HIBADH: variants seen among roughly 807,000 people sequenced by gnomAD.
HIBADH encodes 3-hydroxyisobutyrate dehydrogenase, mitochondrial.
In HIBADH, 25 loss-of-function variants were observed where a neutral mutation model predicts 36.1. The ratio of observed to expected loss-of-function variants is 0.69; its 90% CI spans 0.50 to 0.97. The LOEUF is 0.97. Among genes scored for constraint, HIBADH ranks in the 50% least tolerant of loss-of-function variants. HIBADH has a pLI of 0.00. For missense variants in HIBADH, 421 were observed against 418.0 expected, an observed-to-expected ratio of 1.01 and a Z score of -0.06; for synonymous variants, 160 against 149.5, an observed-to-expected ratio of 1.07 and a Z score of -0.51.
At chr7:27,564,524 A>C (rs1159243064) in intron 4 of HIBADH, among the ~76,000 whole-genome samples, 1 of 152,166 alleles carries the variant, frequency 6.6e-6, no homozygotes, top group Non-Finnish European at 1.5e-5. Flanking sequence ...ACTGATCTCT[A>C]TGTCTTTCAC....
intron 4 of HIBADH, among the ~76,000 whole-genome samples, chr7:27,604,746 C>T (rs1785190228): frequency 6.6e-6 from 1 of 152,014 alleles, no homozygotes; most frequent in Non-Finnish European, 1.5e-5. Context: ...TTTGGTAATA[C>T]TGAAGGGTGC....
At chr7:27,610,423 A>ATC (rs1255209520) in intron 4 of HIBADH, among the ~76,000 whole-genome samples, 2 of 152,176 alleles carry the variant, frequency 1.3e-5, no homozygotes, top group African/African-American at 4.8e-5. Context: ...CTATCCTGGT[A>ATC]TCTACCTTCT....
intron 4 of HIBADH, among the ~76,000 whole-genome samples, chr7:27,600,857 A>G (rs1023061411): frequency 3.9e-5 from 6 of 152,098 alleles, no homozygotes; most frequent in Admixed American, 3.3e-4. Flanking sequence ...TTCTTTCCAA[A>G]CTGCTGACAA....
At chr7:27,580,455 T>C (rs1302498162) in intron 4 of HIBADH, among the ~76,000 whole-genome samples, 1 of 152,178 alleles carries the variant, frequency 6.6e-6, no homozygotes, top group Non-Finnish European at 1.5e-5. Flanking sequence ...ATAAAAATGC[T>C]AGGAAAAGTT....
At chr7:27,566,131 A>G (rs1387134418) in intron 4 of HIBADH, among the ~76,000 whole-genome samples, 2 of 152,104 alleles carry the variant, frequency 1.3e-5, no homozygotes, top group African/African-American at 2.4e-5. Context: ...CTAGTCTTAT[A>G]GTTTATCTGG....
chr7:27,527,418 C>G (rs1783920381), intron 7 of HIBADH, among the ~76,000 whole-genome samples: 1 of 152,130 alleles, frequency 6.6e-6, no homozygotes, highest in South Asian at 2.1e-4. Flanking sequence ...AGCCAAGGTA[C>G]AGCTAGCTGG....
intron 2 of HIBADH, among the ~76,000 whole-genome samples, chr7:27,634,558 T>C (rs1211604455): frequency 6.6e-6 from 1 of 152,200 alleles, no homozygotes; most frequent in Non-Finnish European, 1.5e-5. Context: ...CTTAGTCCCA[T>C]TTGTTCATCC....
Position 27,543,038 on chromosome 7 carries a change from C to T in HIBADH, c.547G>A (p.Ala183Thr). The T allele has an allele frequency of 6.2e-7, 1 of 1,613,804 alleles. No homozygotes were observed. Among genetic ancestry groups the T allele is most frequent in the East Asian group, 2.2e-5 (1 of 44,848 alleles). The change falls in exon 5 of 8, where the codon GCT (alanine) becomes ACT (threonine). Residue 183 changes from alanine to threonine, a missense_variant. Ala to Thr is a moderately conservative substitution (Grantham distance 58). Transcript: ENST00000265395. The stretch of plus-strand genomic sequence containing the variant: ...CACCCCAGCAACTCTTGGGCAGCAG[C>T]AAATTCATCTTCAACTCCTCCCACC... ...FMVGGVEDEF[A>T]AAQELLGCMG...
At chr7:27,564,303 T>C (rs1298985932) in intron 4 of HIBADH, among the ~76,000 whole-genome samples, 2 of 152,244 alleles carry the variant, frequency 1.3e-5, no homozygotes, top group East Asian at 1.9e-4. Context: ...GATTTTCTCA[T>C]ATATTTTCTT....
intron 4 of HIBADH, among the ~76,000 whole-genome samples, chr7:27,548,858 C>T (rs749686114): frequency 5.3e-5 from 8 of 152,102 alleles, no homozygotes; most frequent in Non-Finnish European, 7.4e-5. Context: ...ATTTTTCAAC[C>T]CTCGTCATTG....
intron 4 of HIBADH, among the ~76,000 whole-genome samples, chr7:27,550,579 C>G (rs1784304328): frequency 6.6e-6 from 1 of 152,178 alleles, no homozygotes; most frequent in Non-Finnish European, 1.5e-5. Context: ...CCTTCTCTGC[C>G]TTCTTTGCCT....
At position 27,546,776 on chromosome 7, in the gene HIBADH, G is replaced by A. The variant is rs1784240095; in HGVS notation, c.485-3676C>T. ...ATCAGGCCCTGTGGTAAGCCCTTGG[G>A]TGAAGGATGAATCACAAATGTCCCT... is the stretch of plus-strand genomic sequence containing the variant. On this transcript the variant is annotated intron_variant, in intron 4 of 7. Coordinates refer to ENST00000265395, the MANE Select transcript of HIBADH (RefSeq NM_152740.4). Among the ~76,000 whole-genome samples the A allele has an allele frequency of 2.6e-5, 4 of 152,322 alleles. No individual in the cohort carries two copies. In the South Asian group the frequency reaches 8.3e-4, roughly 32 times the overall value.
intron 4 of HIBADH, among the ~76,000 whole-genome samples, chr7:27,597,983 G>GA (rs760212848): frequency 6.6e-6 from 1 of 152,140 alleles, no homozygotes; most frequent in Non-Finnish European, 1.5e-5. Flanking sequence ...CAAGAAAGAA[G>GA]AAAGAAACTC....
chr7:27,657,518 T>G (rs562781553), intron 1 of HIBADH, among the ~76,000 whole-genome samples: 1 of 152,118 alleles, frequency 6.6e-6, no homozygotes, highest in Non-Finnish European at 1.5e-5. Flanking sequence ...ACTAAGATCC[T>G]AGAAAAACTG....
intron 4 of HIBADH, among the ~76,000 whole-genome samples, chr7:27,565,846 T>C (rs1784540242): frequency 6.6e-6 from 1 of 152,140 alleles, no homozygotes; most frequent in Admixed American, 6.6e-5. Flanking sequence ...TGAGAGCTTT[T>C]ATCATGAATG....
chr7:27,641,527 C>T (rs1393094125), intron 2 of HIBADH, among the ~76,000 whole-genome samples: 1 of 152,136 alleles, frequency 6.6e-6, no homozygotes, highest in Non-Finnish European at 1.5e-5. Context: ...CATACTTTTC[C>T]ATCTCATCCC....
intron 2 of HIBADH, among the ~76,000 whole-genome samples, chr7:27,638,186 T>C (rs1785876427): frequency 6.6e-6 from 1 of 151,334 alleles, no homozygotes; most frequent in African/African-American, 2.4e-5. Context: ...CAAACTTTTC[T>C]ATAGGGCTAC....
chr7:27,651,027 C>T (rs1013366061), intron 1 of HIBADH, among the ~76,000 whole-genome samples: 1 of 152,158 alleles, frequency 6.6e-6, no homozygotes, highest in Non-Finnish European at 1.5e-5. Flanking sequence ...ACTCTCCTTG[C>T]TCTTCCATTT....
intron 4 of HIBADH, among the ~76,000 whole-genome samples, chr7:27,551,186 TTAC>T (rs1784313919): frequency 6.6e-6 from 1 of 152,186 alleles, no homozygotes; most frequent in Admixed American, 6.5e-5. Context: ...GCATTTTCAC[TTAC>T]TGCTACATAA....
Sources: allele counts gnomAD v4.1 joint callset (sites outside exome capture counted in the v4.1 genomes callset), GRCh38; gene constraint gnomAD v4.1.1; transcripts MANE v1.5; gene names NCBI Gene and HGNC (gene_info 2026-07-23, HGNC 2026-07-21).